The following KHDRBS3 variants were observed in gnomAD, a reference collection of about 807,000 sequenced individuals.
KHDRBS3 encodes the protein KH RNA binding domain containing, signal transduction associated 3.
KHDRBS3 carries 23 observed loss-of-function variants against 45.6 expected under a neutral mutation model. The observed-to-expected ratio is 0.50, with a 90% CI of 0.36 to 0.72. KHDRBS3 has a LOEUF of 0.72. Ranked by LOEUF, KHDRBS3 falls within the 30% of genes least tolerant of loss-of-function variation. The probability of loss-of-function intolerance (pLI) is 0.00; values close to 1 mark genes in which losing one functional copy is unlikely to be tolerated. For synonymous variants in KHDRBS3, 162 were observed against 156.5 expected, an observed-to-expected ratio of 1.04 and a Z score of -0.26; for missense variants, 352 against 424.8, an observed-to-expected ratio of 0.83 and a Z score of 1.51.
chr8:135,493,465 T>C (rs1823260647), intron 1 of KHDRBS3, among the ~76,000 whole-genome samples: 1 of 152,144 alleles, frequency 6.6e-6, no homozygotes, highest in Non-Finnish European at 1.5e-5. Context: ...TTGAAGAAGT[T>C]TCTTTTTATT....
chr8:135,644,955 T>C (rs4243846), intron 7 of KHDRBS3, 104 bp from the exon 8 acceptor site: 1,009,192 of 1,164,010 alleles, frequency 0.87, 438,643 homozygotes, highest in East Asian at 1. Flanking sequence ...ATTTTCAGTC[T>C]TGCCCTTCAT....
chr8:135,635,863 T>A (rs182832067), intron 7 of KHDRBS3, among the ~76,000 whole-genome samples: 8 of 152,356 alleles, frequency 5.3e-5, no homozygotes, highest in Admixed American at 5.2e-4. Flanking sequence ...TTCAAAGTGC[T>A]GTTAACACAT....
chr8:135,540,049 A>T (rs775591371), intron 2 of KHDRBS3: 1 of 152,132 alleles, frequency 6.6e-6, no homozygotes, highest in South Asian at 2.1e-4. Context: ...GAACTATTTG[A>T]CCTAACTTAA....
At chr8:135,560,857 G>A (rs960310260) in intron 5 of KHDRBS3, among the ~76,000 whole-genome samples, 2 of 152,120 alleles carry the variant, frequency 1.3e-5, no homozygotes, top group East Asian at 1.9e-4. Context: ...CTTTATTTGC[G>A]TACTTACGGT....
intron 5 of KHDRBS3, among the ~76,000 whole-genome samples, chr8:135,569,853 C>T (rs1165597691): frequency 1.3e-5 from 2 of 152,154 alleles, no homozygotes; most frequent in South Asian, 2.1e-4. Context: ...TTCCTGTTCC[C>T]CCTTACCCAG....
intron 5 of KHDRBS3, among the ~76,000 whole-genome samples, chr8:135,576,935 C>G (rs1827971437): frequency 6.6e-6 from 1 of 152,034 alleles, no homozygotes. Flanking sequence ...CCATTATAGC[C>G]TCTTCCCTTT....
chr8:135,464,399 A>G (rs1259541650), intron 1 of KHDRBS3, among the ~76,000 whole-genome samples: 1 of 152,242 alleles, frequency 6.6e-6, no homozygotes, highest in East Asian at 1.9e-4. Flanking sequence ...ATAGAAAGCC[A>G]GTGAAATTCT....
intron 1 of KHDRBS3, among the ~76,000 whole-genome samples, chr8:135,460,887 C>A (rs940182341): frequency 2.0e-5 from 3 of 152,100 alleles, no homozygotes; most frequent in Non-Finnish European, 2.9e-5. Context: ...ATTCAGTGTT[C>A]GTAAAGATTG....
At chr8:135,625,701 T>C (rs1441373868) in intron 7 of KHDRBS3, 1 of 789,826 alleles carries the variant, frequency 1.3e-6, no homozygotes, top group Non-Finnish European at 2.3e-6. Context: ...TACTAATTTG[T>C]CCACAGGAAT....
chr8:135,603,991 C>T (rs1586790037), intron 6 of KHDRBS3, among the ~76,000 whole-genome samples: 1 of 151,796 alleles, frequency 6.6e-6, no homozygotes, highest in Non-Finnish European at 1.5e-5. Flanking sequence ...CTACTTATTA[C>T]TGAAAGTGTG....
chr8:135,513,582 G>GT (rs201764574), intron 1 of KHDRBS3, among the ~76,000 whole-genome samples: 290 of 150,358 alleles, frequency 1.9e-3, no homozygotes, highest in Middle Eastern at 0.01. Context: ...TTATGTTTTT[G>GT]TTTTTTTTTA....
chr8:135,560,739 G>T (rs1421868822), intron 5 of KHDRBS3, among the ~76,000 whole-genome samples: 1 of 152,170 alleles, frequency 6.6e-6, no homozygotes, highest in Non-Finnish European at 1.5e-5. Context: ...TTGTTTTAAT[G>T]TCTTGATGGT....
chr8:135,581,949 T>C lies in KHDRBS3; in HGVS notation c.683T>C (p.Val228Ala). ...VPRGTPTPRGVLSTRGPVSRG... is the reference protein window; with the variant it reads ...VPRGTPTPRGALSTRGPVSRG... ...CGAGGGACGCCAACTCCCAGAGGAG[T>C]CCTGTCCACCCGAGGGCCAGTGAGT... The change falls in exon 6 of 9, where the codon GTC becomes GCC. Residue 228 changes from valine (V) to alanine (A), a missense_variant. By Grantham distance (64) the Val-to-Ala change is moderately conservative (BLOSUM62 0). This residue lies in a region of KHDRBS3 where 212 missense variants were observed against 209.6 expected (regional missense o/e 1.01). Coordinates refer to ENST00000355849, the MANE Select transcript of KHDRBS3 (RefSeq NM_006558.3). 2 of 1,613,148 alleles carry C rather than the reference T, an allele frequency of 1.2e-6. No individual in the cohort carries two copies. The highest frequency in any genetic ancestry group is 8.5e-7 in the Non-Finnish European group (1 of 1,179,580).
At chr8:135,485,843 TA>T (rs1822831954) in intron 1 of KHDRBS3, among the ~76,000 whole-genome samples, 2 of 40,456 alleles carry the variant, frequency 4.9e-5, no homozygotes, top group Non-Finnish European at 5.8e-5. Flanking sequence ...ATTTCAAGTT[TA>T]TATATATATA....
chr8:135,642,519 G>A (rs1831104250), intron 7 of KHDRBS3, among the ~76,000 whole-genome samples: 1 of 152,174 alleles, frequency 6.6e-6, no homozygotes, highest in South Asian at 2.1e-4. Context: ...TTAAAACTCT[G>A]TGGCTACATG....
intron 6 of KHDRBS3, among the ~76,000 whole-genome samples, chr8:135,599,172 C>G (rs1829098464): frequency 6.6e-6 from 1 of 152,244 alleles, no homozygotes. Flanking sequence ...AAGAACACAT[C>G]TTCCCTTCCT....
At chr8:135,616,132 C>T (rs1829906047) in intron 7 of KHDRBS3, among the ~76,000 whole-genome samples, 1 of 152,194 alleles carries the variant, frequency 6.6e-6, no homozygotes, top group African/African-American at 2.4e-5. Flanking sequence ...TAGGTGCTCT[C>T]ATACATATTC....
chr8:135,590,226 G>A (rs1479642252), intron 6 of KHDRBS3, among the ~76,000 whole-genome samples: 1 of 152,182 alleles, frequency 6.6e-6, no homozygotes, highest in African/African-American at 2.4e-5. Context: ...CTGTAAACGT[G>A]TCTAAACATA....
intron 1 of KHDRBS3, among the ~76,000 whole-genome samples, chr8:135,511,223 A>G (rs1343901466): frequency 1.3e-5 from 2 of 152,254 alleles, no homozygotes; most frequent in African/African-American, 2.4e-5. Context: ...GGATGTCTAT[A>G]AATAGTCATC....
Sources: allele counts gnomAD v4.1 joint callset (sites outside exome capture counted in the v4.1 genomes callset), GRCh38; gene constraint gnomAD v4.1.1; regional missense constraint gnomAD v4.1.1; transcripts MANE v1.5; gene names NCBI Gene and HGNC (gene_info 2026-07-23, HGNC 2026-07-21).